Variants in TENM4 observed in about 807,000 individuals in gnomAD.
TENM4 encodes the protein teneurin-4.
TENM4 carries 82 observed loss-of-function variants against 243.3 expected under a neutral mutation model. That is an observed-to-expected ratio of 0.34 (90% CI 0.28 to 0.40). The LOEUF is 0.40. Among genes scored for constraint, TENM4 ranks in the 10% least tolerant of loss-of-function variants. The probability of loss-of-function intolerance (pLI) is 1.00; values close to 1 mark genes in which losing one functional copy is unlikely to be tolerated. For synonymous variants in TENM4, 1,412 were observed against 1,456.3 expected (o/e 0.97, Z 0.69); for missense variants, 3,138 against 3,673.3 (o/e 0.85, Z 3.77).
Position 78,653,368 on chromosome 11 carries a change from G to T in TENM4, c.*4690C>A, listed in dbSNP as rs1373639154. 2 of 151,882 alleles carry T rather than the reference G, an allele frequency of 1.3e-5. No individual in the cohort carries two copies. The highest frequency in any genetic ancestry group is 2.9e-5 in the Non-Finnish European group (2 of 67,948). 9.4% of individuals were successfully genotyped at this position (151,882 alleles called of 1,614,324 possible). A position where few individuals can be genotyped will look rare whatever the true frequency, so the allele number is the denominator to read the frequency against. On this transcript the variant is annotated 3_prime_UTR_variant, in exon 34 of 34. Coordinates refer to ENST00000278550, the MANE Select transcript of TENM4 (RefSeq NM_001098816.3). Reference sequence around the variant, plus strand: ...TTTTATGCTTTTTTTTTTCTAGAAGGTATCTACATCTGCATTTATTTACAG... The same window carrying T: ...TTTTATGCTTTTTTTTTTCTAGAAGTTATCTACATCTGCATTTATTTACAG...
At chr11:79,027,416 G>C (rs890529203) in intron 6 of TENM4, among the ~76,000 whole-genome samples, 8 of 152,190 alleles carry the variant, frequency 5.3e-5, no homozygotes, top group African/African-American at 1.9e-4. Flanking sequence ...GGCAGAGCCA[G>C]GATAAGATGC....
At chr11:79,367,859 C>T (rs74997732) in intron 1 of TENM4, among the ~76,000 whole-genome samples, 7 of 152,298 alleles carry the variant, frequency 4.6e-5, no homozygotes, top group Middle Eastern at 3.4e-3. Flanking sequence ...ATTGATCTTT[C>T]TTTTGGCAGG....
intron 4 of TENM4, among the ~76,000 whole-genome samples, chr11:79,087,598 T>G (rs570910203): frequency 1.3e-5 from 2 of 152,214 alleles, no homozygotes; most frequent in Non-Finnish European, 2.9e-5. Flanking sequence ...AGATCTGTCC[T>G]CGGCCCTGGG....
At chr11:79,067,832 C>A (rs151315511) in intron 5 of TENM4, 2 of 152,206 alleles carry the variant, frequency 1.3e-5, no homozygotes, top group Admixed American at 1.3e-4. Context: ...TCTCACTCAA[C>A]ATCTAGCTGT....
intron 3 of TENM4, among the ~76,000 whole-genome samples, chr11:79,205,086 C>T (rs1863822351): frequency 1.3e-5 from 2 of 152,284 alleles, no homozygotes; most frequent in South Asian, 4.2e-4. Context: ...GGGGGGCACA[C>T]CGTTATCTTC....
At chr11:78,785,877 C>T (rs1384078184) in intron 16 of TENM4, among the ~76,000 whole-genome samples, 1 of 152,088 alleles carries the variant, frequency 6.6e-6, no homozygotes, top group Non-Finnish European at 1.5e-5. Context: ...CTTCCAGTTT[C>T]TCTAAGACCC....
At chr11:79,205,735 C>T (rs1298584791) in intron 3 of TENM4, among the ~76,000 whole-genome samples, 3 of 152,180 alleles carry the variant, frequency 2.0e-5, no homozygotes, top group Non-Finnish European at 4.4e-5. Flanking sequence ...AGGCTAATTC[C>T]AGTTTTGGCT....
intron 6 of TENM4, among the ~76,000 whole-genome samples, chr11:79,054,035 T>C (rs1443327723): frequency 6.6e-6 from 1 of 152,208 alleles, no homozygotes; most frequent in Non-Finnish European, 1.5e-5. Context: ...GCCTTTGTGC[T>C]CAGTGGAGAG....
chr11:78,695,871 A>G (rs1858948153), intron 28 of TENM4, among the ~76,000 whole-genome samples: 2 of 139,076 alleles, frequency 1.4e-5, no homozygotes, highest in African/African-American at 6.0e-5. Context: ...GTGTGTGTGT[A>G]TGTACTTATT....
At chr11:78,933,378 T>G (rs1856713462) in intron 6 of TENM4, among the ~76,000 whole-genome samples, 1 of 152,244 alleles carries the variant, frequency 6.6e-6, no homozygotes, top group Non-Finnish European at 1.5e-5. Context: ...ATTAAAATGC[T>G]GCATAAACTC....
intron 15 of TENM4, among the ~76,000 whole-genome samples, chr11:78,793,110 G>A (rs1305779811): frequency 1.3e-5 from 2 of 152,200 alleles, no homozygotes. Flanking sequence ...TCGCTGCTAC[G>A]TTTTAATTTG....
chr11:78,967,586 A>G (rs1857463043), intron 6 of TENM4, among the ~76,000 whole-genome samples: 1 of 152,138 alleles, frequency 6.6e-6, no homozygotes, highest in Non-Finnish European at 1.5e-5. Flanking sequence ...GATGGTGAAA[A>G]TCCAGATGAT....
chr11:78,947,181 T>G (rs1758284251), intron 6 of TENM4, among the ~76,000 whole-genome samples: 1 of 152,204 alleles, frequency 6.6e-6, no homozygotes. Flanking sequence ...ACCCACCGTG[T>G]GCACTGGTCT....
At chr11:78,700,580 C>T (rs74488147) in intron 28 of TENM4, among the ~76,000 whole-genome samples, 2 of 152,066 alleles carry the variant, frequency 1.3e-5, no homozygotes, top group East Asian at 1.9e-4. Context: ...GTAGAAAGAG[C>T]GATGTTAGTC....
At chr11:78,781,697 A>T (rs1856840344) in intron 16 of TENM4, among the ~76,000 whole-genome samples, 1 of 151,950 alleles carries the variant, frequency 6.6e-6, no homozygotes, top group Non-Finnish European at 1.5e-5. Context: ...CGGCTGCATC[A>T]TTGGTACATG....
chr11:78,880,211 A>C (rs1374834426), intron 9 of TENM4, among the ~76,000 whole-genome samples: 2 of 152,174 alleles, frequency 1.3e-5, no homozygotes, highest in African/African-American at 2.4e-5. Context: ...AAATGGATTA[A>C]GGGCGGTGCA....
chr11:79,344,450 T>A (rs1161021212), intron 1 of TENM4, among the ~76,000 whole-genome samples: 1 of 151,956 alleles, frequency 6.6e-6, no homozygotes, highest in Non-Finnish European at 1.5e-5. Flanking sequence ...CATGAGGAGA[T>A]CTCATACCCA....
chr11:79,424,010 C>T (rs1858996196), intron 1 of TENM4, among the ~76,000 whole-genome samples: 1 of 152,118 alleles, frequency 6.6e-6, no homozygotes, highest in South Asian at 2.1e-4. Flanking sequence ...TTGATTAATG[C>T]TATTTCATTT....
intron 4 of TENM4, among the ~76,000 whole-genome samples, chr11:79,090,490 C>T (rs2137050956): frequency 6.6e-6 from 1 of 152,342 alleles, no homozygotes. Context: ...GAAGGCATGG[C>T]TTGCATCTGG....
Sources: allele counts gnomAD v4.1 joint callset (sites outside exome capture counted in the v4.1 genomes callset), GRCh38; gene constraint gnomAD v4.1.1; transcripts MANE v1.5; gene names NCBI Gene and HGNC (gene_info 2026-07-23, HGNC 2026-07-21).